The following SLC24A2 variants were observed in gnomAD, a reference collection of about 807,000 sequenced individuals.
SLC24A2 encodes sodium/potassium/calcium exchanger 2.
A neutral mutation model predicts 62.0 loss-of-function variants in SLC24A2; 36 were observed. The ratio of observed to expected loss-of-function variants is 0.58; its 90% confidence interval spans 0.44 to 0.77. The LOEUF is 0.77. Ranked by LOEUF, SLC24A2 falls within the 30% of genes least tolerant of loss-of-function variation. The pLI is 0.00. For synonymous variants in SLC24A2, 358 were observed against 294.0 expected (o/e 1.22, Z -2.23); for missense variants, 846 against 817.9 (o/e 1.03, Z -0.42).
the SLC24A2 span, among the ~76,000 whole-genome samples, chr9:20,129,046 G>A: frequency 1.3e-5 from 2 of 151,958 alleles, no homozygotes; most frequent in Admixed American, 6.6e-5. Flanking sequence ...TCTCTCATAA[G>A]AGCCTAATAT....
At chr9:19,679,421 A>C (rs1819651189) in intron 2 of SLC24A2, among the ~76,000 whole-genome samples, 1 of 152,152 alleles carries the variant, frequency 6.6e-6, no homozygotes. Flanking sequence ...GGACAATCAT[A>C]ATAAATCATG....
At chr9:20,163,752 C>A in the SLC24A2 span, among the ~76,000 whole-genome samples, 1 of 152,098 alleles carries the variant, frequency 6.6e-6, no homozygotes, top group Non-Finnish European at 1.5e-5. Flanking sequence ...CTACAGTAAC[C>A]AAAACAGCAC....
the SLC24A2 span, among the ~76,000 whole-genome samples, chr9:19,975,774 G>A: frequency 2.0e-5 from 3 of 151,142 alleles, no homozygotes; most frequent in African/African-American, 7.3e-5. Flanking sequence ...TTGTTTTGTG[G>A]CTTATCCTGG....
chr9:19,970,815 A>C, the SLC24A2 span, among the ~76,000 whole-genome samples: 3 of 152,190 alleles, frequency 2.0e-5, no homozygotes, highest in East Asian at 3.8e-4. Context: ...GAAATCCTAG[A>C]GTATATATTC....
At chr9:20,071,930 A>G in the SLC24A2 span, among the ~76,000 whole-genome samples, 1 of 152,086 alleles carries the variant, frequency 6.6e-6, no homozygotes, top group South Asian at 2.1e-4. Context: ...ATCATGAAGG[A>G]TATTTAAAAG....
At chr9:19,597,376 A>T in intron 4 of SLC24A2, 97 bp from the exon 5 acceptor site, 1 of 882,514 alleles carries the variant, frequency 1.1e-6, no homozygotes, top group Non-Finnish European at 1.9e-6. Flanking sequence ...TCAGAGTTAT[A>T]CTGTCAAATT....
chr9:19,843,513 A>C, the SLC24A2 span, among the ~76,000 whole-genome samples: 1 of 152,110 alleles, frequency 6.6e-6, no homozygotes, highest in Admixed American at 6.5e-5. Context: ...ACTCCATATA[A>C]AAAAATAATA....
At chr9:19,867,276 C>T in the SLC24A2 span, among the ~76,000 whole-genome samples, 2 of 152,012 alleles carry the variant, frequency 1.3e-5, no homozygotes, top group Non-Finnish European at 2.9e-5. Context: ...CTTTAAGTAG[C>T]TTATAGAATT....
the SLC24A2 span, among the ~76,000 whole-genome samples, chr9:20,081,938 C>T: frequency 6.6e-6 from 1 of 152,180 alleles, no homozygotes; most frequent in Non-Finnish European, 1.5e-5. Context: ...TAGCTTTGTT[C>T]CCTCAGCCCT....
chr9:19,522,821 GA>G (rs1221246230), intron 9 of SLC24A2, among the ~76,000 whole-genome samples: 1 of 152,168 alleles, frequency 6.6e-6, no homozygotes, highest in African/African-American at 2.4e-5. Flanking sequence ...GATTCTCCTA[GA>G]AAAAGTTCAA....
At chr9:20,149,870 C>T in the SLC24A2 span, among the ~76,000 whole-genome samples, 43 of 152,066 alleles carry the variant, frequency 2.8e-4, no homozygotes, top group South Asian at 3.1e-3. Context: ...AGGTTAGCTA[C>T]GGATACAGCC....
At chr9:19,524,708 A>T (rs1833356523) in intron 9 of SLC24A2, among the ~76,000 whole-genome samples, 1 of 152,224 alleles carries the variant, frequency 6.6e-6, no homozygotes. Context: ...ATCAATGAAA[A>T]GTAAGGCTTC....
chr9:19,612,947 G>T (rs1385395889), intron 4 of SLC24A2, among the ~76,000 whole-genome samples: 4 of 152,214 alleles, frequency 2.6e-5, no homozygotes, highest in Non-Finnish European at 5.9e-5. Flanking sequence ...TGGAGAGAAT[G>T]GCTTTGGAAC....
chr9:20,164,069 T>A, the SLC24A2 span, among the ~76,000 whole-genome samples: 1 of 152,248 alleles, frequency 6.6e-6, no homozygotes, highest in African/African-American at 2.4e-5. Context: ...GACATAGGCA[T>A]GGGCAAGGAC....
chr9:19,796,664 C>A, the SLC24A2 span, among the ~76,000 whole-genome samples: 1 of 152,204 alleles, frequency 6.6e-6, no homozygotes, highest in African/African-American at 2.4e-5. Context: ...AATCATCTTC[C>A]TTCCATATTT....
intron 10 of SLC24A2, among the ~76,000 whole-genome samples, chr9:19,518,788 A>G (rs1036274986): frequency 6.6e-6 from 1 of 152,198 alleles, no homozygotes; most frequent in Non-Finnish European, 1.5e-5. Flanking sequence ...ATGCTGGCAA[A>G]GCTATGAAGA....
chr9:19,609,386 C>T (rs563230165), intron 4 of SLC24A2, among the ~76,000 whole-genome samples: 22 of 152,340 alleles, frequency 1.4e-4, no homozygotes, highest in African/African-American at 4.6e-4. Context: ...CCCCGGTGGC[C>T]TCTGATCCAG....
chr9:19,713,704 G>T (rs565100341), intron 2 of SLC24A2, among the ~76,000 whole-genome samples: 1 of 152,260 alleles, frequency 6.6e-6, no homozygotes, highest in African/African-American at 2.4e-5. Context: ...CTGAGTGTAA[G>T]CCTATCAATT....
chr9:19,766,106 A>G (rs4295746), intron 2 of SLC24A2, among the ~76,000 whole-genome samples: 30 of 152,194 alleles, frequency 2.0e-4, no homozygotes, highest in African/African-American at 7.0e-4. Flanking sequence ...ATACTTGAGT[A>G]TGCTTCACAA....
Sources: allele counts gnomAD v4.1 joint callset (sites outside exome capture counted in the v4.1 genomes callset), GRCh38; gene constraint gnomAD v4.1.1; transcripts MANE v1.5; gene names NCBI Gene and HGNC (gene_info 2026-07-23, HGNC 2026-07-21).